Variants in TMEM163 observed in about 807,000 individuals in gnomAD.
TMEM163 encodes transmembrane protein 163.
A neutral mutation model predicts 29.3 loss-of-function variants in TMEM163; 17 were observed. The ratio of observed to expected loss-of-function variants is 0.58; its 90% CI spans 0.40 to 0.87. The LOEUF (loss-of-function observed/expected upper bound fraction) is 0.87, where lower values mean the gene tolerates loss of function less well. Ranked by LOEUF, TMEM163 falls within the 40% of genes least tolerant of loss-of-function variation. TMEM163 has a pLI of 0.00. For synonymous variants in TMEM163, 157 were observed against 160.6 expected (o/e 0.98, Z 0.17); for missense variants, 303 against 381.5 (o/e 0.79, Z 1.71).
chr2:134,712,282 C>G (rs1172896831), intron 2 of TMEM163, among the ~76,000 whole-genome samples: 3 of 151,466 alleles, frequency 2.0e-5, no homozygotes, highest in Non-Finnish European at 4.4e-5. Flanking sequence ...GCAGATCTAC[C>G]CTTGCAGAAT....
At chr2:134,571,119 C>T (rs569135247) in intron 2 of TMEM163, among the ~76,000 whole-genome samples, 1 of 152,166 alleles carries the variant, frequency 6.6e-6, no homozygotes, top group African/African-American at 2.4e-5. Flanking sequence ...CCGATTCACA[C>T]AAGGAATTTC....
chr2:134,491,612 T>C (rs1679431461), intron 5 of TMEM163, among the ~76,000 whole-genome samples: 1 of 152,200 alleles, frequency 6.6e-6, no homozygotes, highest in Non-Finnish European at 1.5e-5. Flanking sequence ...CTGACACTGA[T>C]ATGATGTAGT....
intron 4 of TMEM163, among the ~76,000 whole-genome samples, chr2:134,513,954 G>T (rs893281974): frequency 6.6e-6 from 1 of 152,206 alleles, no homozygotes; most frequent in African/African-American, 2.4e-5. Flanking sequence ...GTGTAGCCAG[G>T]CTTCCTGTAG....
At chr2:134,535,166 A>G (rs1680505527) in intron 4 of TMEM163, among the ~76,000 whole-genome samples, 2 of 152,156 alleles carry the variant, frequency 1.3e-5, no homozygotes, top group South Asian at 4.1e-4. Context: ...AGAGGAGGAG[A>G]ATTTGAACTT....
intron 5 of TMEM163, among the ~76,000 whole-genome samples, chr2:134,482,408 C>G (rs890205664): frequency 1.3e-5 from 2 of 152,130 alleles, no homozygotes; most frequent in African/African-American, 4.8e-5. Context: ...ACCAACACTT[C>G]CTTTTTCATG....
intron 2 of TMEM163, among the ~76,000 whole-genome samples, chr2:134,579,928 A>G (rs1406904630): frequency 6.6e-6 from 1 of 152,234 alleles, no homozygotes; most frequent in Non-Finnish European, 1.5e-5. Context: ...GAAGGACCTC[A>G]CATGATACCA....
At chr2:134,656,667 G>A (rs1413414967) in intron 2 of TMEM163, among the ~76,000 whole-genome samples, 1 of 152,204 alleles carries the variant, frequency 6.6e-6, no homozygotes, top group African/African-American at 2.4e-5. Context: ...TCCTTGTCTT[G>A]TTCCAGTTCT....
intron 2 of TMEM163, among the ~76,000 whole-genome samples, chr2:134,655,115 T>G (rs1327302146): frequency 1.5e-5 from 2 of 135,534 alleles, no homozygotes; most frequent in Non-Finnish European, 3.1e-5. Context: ...ATTGGTGAAG[T>G]TCTCCTGGAT....
intron 2 of TMEM163, among the ~76,000 whole-genome samples, chr2:134,580,917 A>C (rs1444311553): frequency 1.3e-5 from 2 of 152,170 alleles, no homozygotes; most frequent in South Asian, 2.1e-4. Flanking sequence ...TGCCTCAAAA[A>C]AAACCAGCCC....
At chr2:134,673,302 C>G (rs1684034180) in intron 2 of TMEM163, among the ~76,000 whole-genome samples, 1 of 152,112 alleles carries the variant, frequency 6.6e-6, no homozygotes, top group Non-Finnish European at 1.5e-5. Flanking sequence ...TGGCTGCCTC[C>G]CACCTTATAC....
intron 5 of TMEM163, among the ~76,000 whole-genome samples, chr2:134,470,334 G>A (rs1686770308): frequency 6.7e-6 from 1 of 149,646 alleles, no homozygotes; most frequent in African/African-American, 2.4e-5. Context: ...TCCAGCCTGG[G>A]TGACAGAGTG....
intron 2 of TMEM163, among the ~76,000 whole-genome samples, chr2:134,613,607 A>G (rs894426344): frequency 6.6e-6 from 1 of 152,220 alleles, no homozygotes; most frequent in Non-Finnish European, 1.5e-5. Flanking sequence ...GACATATTCA[A>G]GGTGCTGACA....
intron 2 of TMEM163, among the ~76,000 whole-genome samples, chr2:134,644,327 A>T (rs1683286188): frequency 6.6e-6 from 1 of 152,146 alleles, no homozygotes; most frequent in Non-Finnish European, 1.5e-5. Flanking sequence ...GAAAAAGAAA[A>T]ATATTAAAGG....
chr2:134,611,215 A>T (rs1470290829), intron 2 of TMEM163, among the ~76,000 whole-genome samples: 1 of 152,200 alleles, frequency 6.6e-6, no homozygotes, highest in Non-Finnish European at 1.5e-5. Flanking sequence ...AATGGCAAAG[A>T]TCACTTTCCA....
chr2:134,483,752 T>TA (rs1197713444), intron 5 of TMEM163, among the ~76,000 whole-genome samples: 1 of 151,854 alleles, frequency 6.6e-6, no homozygotes, highest in African/African-American at 2.4e-5. Flanking sequence ...AAAAGACATG[T>TA]ACGACGCTCT....
chr2:134,644,123 T>G (rs965802019), intron 2 of TMEM163, among the ~76,000 whole-genome samples: 1 of 152,036 alleles, frequency 6.6e-6, no homozygotes, highest in African/African-American at 2.4e-5. Flanking sequence ...AAGTTCTAAA[T>G]AAATGGAGAG....
chr2:134,476,465 T>C (rs772029394), intron 5 of TMEM163, among the ~76,000 whole-genome samples: 21 of 152,208 alleles, frequency 1.4e-4, no homozygotes, highest in Non-Finnish European at 2.1e-4. Flanking sequence ...TGTATGTACA[T>C]TATATCTCAA....
intron 5 of TMEM163, among the ~76,000 whole-genome samples, chr2:134,488,095 A>G (rs1381551504): frequency 6.6e-6 from 1 of 152,244 alleles, no homozygotes; most frequent in Non-Finnish European, 1.5e-5. Context: ...ATATTAAAAG[A>G]AAAACTAAAT....
intron 2 of TMEM163, among the ~76,000 whole-genome samples, chr2:134,684,507 G>A (rs1438301370): frequency 1.3e-5 from 2 of 152,178 alleles, no homozygotes; most frequent in East Asian, 1.9e-4. Flanking sequence ...GGAACCCCAT[G>A]AGCAAGGGGC....
Sources: allele counts gnomAD v4.1 joint callset (sites outside exome capture counted in the v4.1 genomes callset), GRCh38; gene constraint gnomAD v4.1.1; transcripts MANE v1.5; gene names NCBI Gene and HGNC (gene_info 2026-07-23, HGNC 2026-07-21).